The following CNTN5 variants were observed in gnomAD, a reference collection of about 807,000 sequenced individuals.
CNTN5 encodes the protein contactin 5.
In CNTN5, 77 loss-of-function variants were observed where a neutral mutation model predicts 129.1. The observed-to-expected ratio is 0.60, with a 90% CI of 0.50 to 0.72. The LOEUF is 0.72. Among genes scored for constraint, CNTN5 ranks in the 30% least tolerant of loss-of-function variants. The pLI, the probability that CNTN5 is intolerant of heterozygous loss-of-function variation, is 0.00. For missense variants in CNTN5, 1,478 were observed against 1,328.8 expected (o/e 1.11, Z -1.75); for synonymous variants, 509 against 465.6 (o/e 1.09, Z -1.20).
At chr11:100,259,046 G>T (rs927313113) in intron 17 of CNTN5, among the ~76,000 whole-genome samples, 5 of 152,018 alleles carry the variant, frequency 3.3e-5, no homozygotes, top group Non-Finnish European at 7.4e-5. Context: ...GTATTCAGGA[G>T]ACCCATCTCA....
At chr11:99,342,571 CAAAAAAAAAA>C (rs58710723) in intron 2 of CNTN5, among the ~76,000 whole-genome samples, 697 of 24,554 alleles carry the variant, frequency 0.028, 6 homozygotes, top group Middle Eastern at 0.1. Flanking sequence ...CCCGTTATCT[CAAAAAAAAAA>C]AAAAAAAAAA....
chr11:100,246,046 A>AT (rs1591433033), intron 16 of CNTN5, among the ~76,000 whole-genome samples: 1 of 151,932 alleles, frequency 6.6e-6, no homozygotes, highest in Non-Finnish European at 1.5e-5. Context: ...ATGATAGTAC[A>AT]TTTTTTCATT....
intron 2 of CNTN5, among the ~76,000 whole-genome samples, chr11:99,459,501 A>G (rs1281458743): frequency 6.6e-6 from 1 of 152,048 alleles, no homozygotes; most frequent in African/African-American, 2.4e-5. Flanking sequence ...AAGAGTCTGG[A>G]GGAAGTGAGT....
At position 99,035,808 on chromosome 11, in the gene CNTN5, T is replaced by C. The variant is rs573609702; in HGVS notation, c.-210+14538T>C. Among the ~76,000 whole-genome samples, 13 of 150,148 alleles carry C rather than the reference T, an allele frequency of 8.7e-5. No individual in the cohort carries two copies. The East Asian group carries it at 2.4e-3, about 27-fold the overall frequency. On this transcript the variant is annotated intron_variant, in intron 1 of 24. Coordinates refer to ENST00000524871, the MANE Select transcript of CNTN5 (RefSeq NM_014361.4). ...ATTGTTATGTGTGAATTTGATCCTG[T>C]CATTATGATGTTAGCTGGTTATTTT...
At chr11:99,038,594 A>C in intron 1 of CNTN5, among the ~76,000 whole-genome samples, 1 of 152,120 alleles carries the variant, frequency 6.6e-6, no homozygotes, top group Non-Finnish European at 1.5e-5. Context: ...TGCTTGTTAC[A>C]AAGCATGTAA....
chr11:100,220,939 G>A (rs56072353), intron 15 of CNTN5, among the ~76,000 whole-genome samples: 1 of 152,204 alleles, frequency 6.6e-6, no homozygotes, highest in Non-Finnish European at 1.5e-5. Context: ...AGGAAAGGAA[G>A]CAAGCCTTCA....
intron 1 of CNTN5, among the ~76,000 whole-genome samples, chr11:99,075,634 T>A (rs1444163118): frequency 1.3e-5 from 2 of 152,196 alleles, no homozygotes; most frequent in Admixed American, 6.5e-5. Context: ...CCTATAAATA[T>A]TATTTATTTA....
At chr11:99,999,681 C>T (rs564860288) in intron 8 of CNTN5, among the ~76,000 whole-genome samples, 2 of 152,262 alleles carry the variant, frequency 1.3e-5, no homozygotes, top group African/African-American at 2.4e-5. Context: ...GACTATAAAT[C>T]ATGCTGCTGT....
intron 6 of CNTN5, among the ~76,000 whole-genome samples, chr11:99,911,988 A>T (rs1173731105): frequency 6.6e-6 from 1 of 151,958 alleles, no homozygotes; most frequent in East Asian, 1.9e-4. Context: ...CCTTCTCACC[A>T]TGCTTATTTT....
At chr11:100,262,521 C>T (rs551833554) in intron 17 of CNTN5, among the ~76,000 whole-genome samples, 27 of 152,244 alleles carry the variant, frequency 1.8e-4, no homozygotes, top group African/African-American at 5.1e-4. Flanking sequence ...TTCACAATAG[C>T]AAAGACTTGG....
intron 1 of CNTN5, among the ~76,000 whole-genome samples, chr11:99,288,898 T>C (rs1390423965): frequency 6.6e-6 from 1 of 151,892 alleles, no homozygotes; most frequent in African/African-American, 2.4e-5. Flanking sequence ...TTATCTATAA[T>C]CTCTGCAGTA....
intron 8 of CNTN5, among the ~76,000 whole-genome samples, chr11:99,978,030 G>T (rs568974378): frequency 6.6e-6 from 1 of 152,324 alleles, no homozygotes; most frequent in Non-Finnish European, 1.5e-5. Context: ...TATGACAGTG[G>T]TCTCATGACA....
intron 2 of CNTN5, among the ~76,000 whole-genome samples, chr11:99,332,992 G>T (rs558209756): frequency 6.6e-6 from 1 of 152,050 alleles, no homozygotes; most frequent in African/African-American, 2.4e-5. Context: ...TTTAGAAGCC[G>T]CTACCTATAT....
intron 13 of CNTN5, among the ~76,000 whole-genome samples, chr11:100,153,000 G>A (rs1947119829): frequency 6.6e-6 from 1 of 151,898 alleles, no homozygotes; most frequent in Non-Finnish European, 1.5e-5. Flanking sequence ...ATTTTTAATG[G>A]CTTAACCACA....
intron 20 of CNTN5, among the ~76,000 whole-genome samples, chr11:100,299,969 C>T (rs1218373049): frequency 6.6e-6 from 1 of 151,386 alleles, no homozygotes; most frequent in East Asian, 1.9e-4. Context: ...AGTTAAAGAA[C>T]GTGCTAAAGG....
chr11:99,360,585 A>C (rs928204650), intron 2 of CNTN5, among the ~76,000 whole-genome samples: 1 of 152,158 alleles, frequency 6.6e-6, no homozygotes, highest in Non-Finnish European at 1.5e-5. Context: ...CCTTGGCCCA[A>C]TGGAGTCATA....
chr11:99,853,086 C>A (rs1457482896), intron 6 of CNTN5, among the ~76,000 whole-genome samples: 2 of 152,028 alleles, frequency 1.3e-5, no homozygotes, highest in Non-Finnish European at 2.9e-5. Context: ...AATAAAGGGG[C>A]AGATAGAGAC....
chr11:100,015,314 A>G (rs1940765953), intron 9 of CNTN5, among the ~76,000 whole-genome samples: 1 of 152,130 alleles, frequency 6.6e-6, no homozygotes, highest in Admixed American at 6.6e-5. Flanking sequence ...GGTATGCCCA[A>G]ATTTCAGAAA....
chr11:99,523,699 T>C (rs11220288), intron 2 of CNTN5, among the ~76,000 whole-genome samples: 24,724 of 66,748 alleles, frequency 0.37, 3,401 homozygotes, highest in East Asian at 0.51. Flanking sequence ...CAGAACAGAA[T>C]AGAACAGAAT....
Sources: allele counts gnomAD v4.1 joint callset (sites outside exome capture counted in the v4.1 genomes callset), GRCh38; gene constraint gnomAD v4.1.1; transcripts MANE v1.5; gene names NCBI Gene and HGNC (gene_info 2026-07-23, HGNC 2026-07-21).